The following DPYD variants were observed in gnomAD, a reference collection of about 807,000 sequenced individuals.
The protein encoded by DPYD is dihydropyrimidine dehydrogenase, also known as dihydropyrimidine dehydrogenase [NADP(+)].
Under a neutral mutation model 116.2 loss-of-function variants are expected in DPYD, and 109 were observed. That is an observed-to-expected ratio of 0.94 (90% CI 0.80 to 1.10). The LOEUF is 1.10. Ranked by LOEUF, DPYD falls within the 50% of genes least tolerant of loss-of-function variation. The pLI, the probability that DPYD is intolerant of heterozygous loss-of-function variation, is 0.00. For missense variants in DPYD, 1,302 were observed against 1,254.5 expected (o/e 1.04, Z -0.57); for synonymous variants, 440 against 432.0 (o/e 1.02, Z -0.23).
intron 20 of DPYD, among the ~76,000 whole-genome samples, chr1:97,188,694 G>A (rs1658161278): frequency 6.6e-6 from 1 of 152,160 alleles, no homozygotes; most frequent in Non-Finnish European, 1.5e-5. Flanking sequence ...ATTTAAGATA[G>A]ATTCTAAAAA....
intron 14 of DPYD, among the ~76,000 whole-genome samples, chr1:97,404,015 AT>A (rs1485509594): frequency 6.6e-6 from 1 of 152,016 alleles, no homozygotes; most frequent in Non-Finnish European, 1.5e-5. Context: ...AGTTCAAAAT[AT>A]TTTTAATGCT....
At chr1:97,301,472 T>C (rs2101023057) in intron 18 of DPYD, among the ~76,000 whole-genome samples, 1 of 152,114 alleles carries the variant, frequency 6.6e-6, no homozygotes, top group East Asian at 1.9e-4. Context: ...CTAAAGTGTC[T>C]ATCATTATTT....
intron 22 of DPYD, among the ~76,000 whole-genome samples, chr1:97,080,555 A>C (rs1440979852): frequency 6.6e-6 from 1 of 152,156 alleles, no homozygotes; most frequent in Non-Finnish European, 1.5e-5. Context: ...CTATAGCTAT[A>C]GCAAGTCATG....
chr1:97,747,984 T>C (rs1189262861), intron 3 of DPYD, among the ~76,000 whole-genome samples: 2 of 152,200 alleles, frequency 1.3e-5, no homozygotes, highest in Non-Finnish European at 2.9e-5. Flanking sequence ...TTCTCTACAA[T>C]CTTCAATATA....
intron 19 of DPYD, among the ~76,000 whole-genome samples, chr1:97,233,547 C>T (rs752695400): frequency 5.9e-5 from 9 of 152,086 alleles, no homozygotes; most frequent in East Asian, 1.9e-4. Flanking sequence ...AATATTTATC[C>T]GTGGTGTTGG....
chr1:97,217,281 G>A (rs1175600242), intron 19 of DPYD, among the ~76,000 whole-genome samples: 1 of 152,116 alleles, frequency 6.6e-6, no homozygotes, highest in East Asian at 1.9e-4. Flanking sequence ...ATTAACACAC[G>A]TTTGTATTTC....
intron 14 of DPYD, among the ~76,000 whole-genome samples, chr1:97,418,305 GA>G (rs904097382): frequency 4.7e-5 from 6 of 127,850 alleles, no homozygotes; most frequent in Non-Finnish European, 8.6e-5. Context: ...GATATAAGAT[GA>G]TTTTTTTTTT....
intron 5 of DPYD, among the ~76,000 whole-genome samples, chr1:97,713,144 T>C (rs1444319654): frequency 1.3e-5 from 2 of 152,124 alleles, no homozygotes; most frequent in Non-Finnish European, 2.9e-5. Context: ...CATCATGCCT[T>C]TTACAAGTGA....
intron 14 of DPYD, among the ~76,000 whole-genome samples, chr1:97,435,421 C>A (rs1675417401): frequency 6.6e-6 from 1 of 151,882 alleles, no homozygotes; most frequent in Non-Finnish European, 1.5e-5. Flanking sequence ...ATTCATTATA[C>A]ACATTTAACT....
chr1:97,099,201 A>G (rs550824110), intron 20 of DPYD, among the ~76,000 whole-genome samples: 1 of 152,252 alleles, frequency 6.6e-6, no homozygotes, highest in East Asian at 1.9e-4. Flanking sequence ...TAGCTGAAAA[A>G]CAAAAATGGT....
chr1:97,868,264 C>T (rs534064479), intron 2 of DPYD, among the ~76,000 whole-genome samples: 1 of 151,656 alleles, frequency 6.6e-6, no homozygotes, highest in South Asian at 2.1e-4. Context: ...TAAATGGAGT[C>T]AACGGCATTA....
At chr1:97,711,336 C>A (rs1662274652) in intron 5 of DPYD, among the ~76,000 whole-genome samples, 1 of 151,794 alleles carries the variant, frequency 6.6e-6, no homozygotes, top group Admixed American at 6.6e-5. Context: ...CTTACATTAG[C>A]CCACAGATAG....
At chr1:97,761,352 A>G (rs796816037) in intron 3 of DPYD, among the ~76,000 whole-genome samples, 10 of 151,906 alleles carry the variant, frequency 6.6e-5, no homozygotes, top group African/African-American at 2.2e-4. Flanking sequence ...TAAAATTCTC[A>G]TAAGAAAAGA....
chr1:97,224,807 C>T (rs530063182), intron 19 of DPYD, among the ~76,000 whole-genome samples: 1 of 151,432 alleles, frequency 6.6e-6, no homozygotes, highest in Admixed American at 6.6e-5. Flanking sequence ...GCATAGTATT[C>T]TCTAGGTTCA....
Position 97,382,319 on chromosome 1 carries a change from G to A in DPYD, c.1974+74C>T, listed in dbSNP as rs184532640. Reference sequence around the variant, plus strand: ...TTACTTCTACTGTATTATTTCTCATGGCAGCTCTTTATTTAAAACTAATAA... The same window carrying A: ...TTACTTCTACTGTATTATTTCTCATAGCAGCTCTTTATTTAAAACTAATAA... On this transcript the variant is annotated intron_variant, in intron 15 of 22. Transcript: ENST00000370192. 315 of 837,786 alleles carry A rather than the reference G, an allele frequency of 3.8e-4. 2 individuals carry two copies. The African/African-American group carries it at 4.8e-3, about 13-fold the overall frequency. The allele number at this position is 837,786 out of a possible 1,614,324, so 51.9% of individuals were successfully genotyped here.
intron 11 of DPYD, among the ~76,000 whole-genome samples, chr1:97,568,886 T>C (rs1388380317): frequency 6.6e-6 from 1 of 151,964 alleles, no homozygotes; most frequent in Non-Finnish European, 1.5e-5. Context: ...CACTCCTTGC[T>C]CTCCTTGGGG....
chr1:97,100,909 C>A (rs1005611140), intron 20 of DPYD, among the ~76,000 whole-genome samples: 1 of 152,008 alleles, frequency 6.6e-6, no homozygotes, highest in Non-Finnish European at 1.5e-5. Flanking sequence ...ATTTGCCATA[C>A]ATAAATTATG....
intron 1 of DPYD, among the ~76,000 whole-genome samples, chr1:97,918,005 C>T (rs1674306433): frequency 6.6e-6 from 1 of 152,110 alleles, no homozygotes; most frequent in East Asian, 1.9e-4. Context: ...ATGTCCAATA[C>T]TAACCTTCTT....
chr1:97,178,292 AGT>A (rs1012033974), intron 20 of DPYD, among the ~76,000 whole-genome samples: 1 of 152,146 alleles, frequency 6.6e-6, no homozygotes, highest in African/African-American at 2.4e-5. Context: ...ACAAAAAATG[AGT>A]GTATTAGTCC....
Sources: allele counts gnomAD v4.1 joint callset (sites outside exome capture counted in the v4.1 genomes callset), GRCh38; gene constraint gnomAD v4.1.1; transcripts MANE v1.5; gene names NCBI Gene and HGNC (gene_info 2026-07-23, HGNC 2026-07-21).